Variants in LRRC4C observed in about 807,000 individuals in gnomAD.
LRRC4C encodes leucine-rich repeat-containing protein 4C.
A neutral mutation model predicts 33.6 loss-of-function variants in LRRC4C; 5 were observed. The observed-to-expected ratio is 0.15, with a 90% confidence interval of 0.08 to 0.31. The LOEUF (loss-of-function observed/expected upper bound fraction) is 0.31. Ranked by LOEUF, LRRC4C falls within the 10% of genes least tolerant of loss-of-function variation. The probability of loss-of-function intolerance (pLI) is 1.00; values close to 1 mark genes in which losing one functional copy is unlikely to be tolerated. For synonymous variants in LRRC4C, 329 were observed against 302.0 expected (o/e 1.09, Z -0.93); for missense variants, 560 against 796.7 (o/e 0.70, Z 3.58).
At chr11:40,377,032 A>G (rs541787034) in intron 3 of LRRC4C, among the ~76,000 whole-genome samples, 1 of 152,276 alleles carries the variant, frequency 6.6e-6, no homozygotes, top group African/African-American at 2.4e-5. Flanking sequence ...TTCCAAAATA[A>G]CATTTGAAAA....
intron 1 of LRRC4C, among the ~76,000 whole-genome samples, chr11:41,183,389 G>A (rs1343071874): frequency 6.6e-6 from 1 of 152,076 alleles, no homozygotes; most frequent in Admixed American, 6.5e-5. Context: ...TGGGGCATTG[G>A]GTAAATACAG....
At chr11:40,944,610 C>T (rs1958307739) in intron 1 of LRRC4C, among the ~76,000 whole-genome samples, 1 of 152,112 alleles carries the variant, frequency 6.6e-6, no homozygotes, top group Non-Finnish European at 1.5e-5. Flanking sequence ...AACTGGATGC[C>T]CTTTCTGTAC....
intron 1 of LRRC4C, among the ~76,000 whole-genome samples, chr11:41,355,799 T>G (rs566162111): frequency 7.2e-5 from 11 of 152,282 alleles, no homozygotes; most frequent in Non-Finnish European, 1.3e-4. Context: ...AATTCATGTT[T>G]TTTTAAAGAA....
intron 1 of LRRC4C, among the ~76,000 whole-genome samples, chr11:41,386,585 GATC>G (rs1200226639): frequency 1.3e-5 from 2 of 151,664 alleles, no homozygotes; most frequent in Non-Finnish European, 3.0e-5. Flanking sequence ...TTTGTAATTT[GATC>G]ATCAATTGTA....
intron 1 of LRRC4C, among the ~76,000 whole-genome samples, chr11:41,219,536 G>A (rs1947210966): frequency 1.3e-5 from 2 of 152,240 alleles, no homozygotes; most frequent in Admixed American, 1.3e-4. Flanking sequence ...ACATAAAGGT[G>A]TAGCTGTATT....
intron 2 of LRRC4C, among the ~76,000 whole-genome samples, chr11:40,679,676 T>G (rs2136320753): frequency 6.6e-6 from 1 of 152,300 alleles, no homozygotes; most frequent in East Asian, 1.9e-4. Context: ...GTGTTGAGCC[T>G]GTGAGTACAC....
intron 2 of LRRC4C, among the ~76,000 whole-genome samples, chr11:40,822,265 C>T (rs1951962268): frequency 1.3e-5 from 2 of 151,274 alleles, no homozygotes. Flanking sequence ...TCTTTCTGTG[C>T]CTGACATATT....
chr11:41,088,784 A>C (rs1289724619), intron 1 of LRRC4C, among the ~76,000 whole-genome samples: 1 of 152,080 alleles, frequency 6.6e-6, no homozygotes, highest in Non-Finnish European at 1.5e-5. Flanking sequence ...ACTGTGGCTG[A>C]AGCTAAATCC....
At chr11:40,928,912 C>A (rs1957500194) in intron 2 of LRRC4C, among the ~76,000 whole-genome samples, 1 of 152,126 alleles carries the variant, frequency 6.6e-6, no homozygotes, top group Non-Finnish European at 1.5e-5. Flanking sequence ...TTCAAATCAG[C>A]AAGCAAATTT....
Position 40,173,864 on chromosome 11 carries a change from A to G in LRRC4C, c.-95-33011T>C, listed in dbSNP as rs1383101027. 6.6e-5 allele frequency among the ~76,000 whole-genome samples: 10 copies of G among 152,324 alleles called. No homozygotes were observed. In the East Asian group the frequency reaches 1.9e-3, roughly 29 times the overall value. On this transcript the variant is annotated intron_variant, in intron 5 of 6. Transcript: ENST00000528697. ...TATTTCTAAACCAAGGTATTCAATG[A>G]ATACTTATGTTGGTAAACTGTGTTA...
At chr11:41,090,499 T>G (rs1028004412) in intron 1 of LRRC4C, among the ~76,000 whole-genome samples, 1 of 152,142 alleles carries the variant, frequency 6.6e-6, no homozygotes, top group Non-Finnish European at 1.5e-5. Flanking sequence ...AATTAAGAAA[T>G]ATCACATTTC....
intron 3 of LRRC4C, among the ~76,000 whole-genome samples, chr11:40,364,177 C>T (rs75259074): frequency 0.011 from 1,714 of 151,898 alleles, 29 homozygotes; most frequent in African/African-American, 0.039. Flanking sequence ...TTCTGGTGTC[C>T]AAACACAACA....
intron 3 of LRRC4C, among the ~76,000 whole-genome samples, chr11:40,540,696 G>T (rs749024095): frequency 1.3e-5 from 2 of 151,940 alleles, no homozygotes; most frequent in African/African-American, 4.8e-5. Context: ...TCTATTTCTT[G>T]TTCATCTAGT....
chr11:40,187,201 G>T (rs1861471609), intron 5 of LRRC4C, among the ~76,000 whole-genome samples: 1 of 152,348 alleles, frequency 6.6e-6, no homozygotes, highest in Non-Finnish European at 1.5e-5. Context: ...TGCTTTGATA[G>T]CTGGCTTCAT....
rs181313561 is a variant in LRRC4C at position 41,457,543 on chromosome 11, G to T, written c.-496+1888C>A. Among the ~76,000 whole-genome samples the T allele has an allele frequency of 3.3e-5, 5 of 152,126 alleles. No individual in the cohort carries two copies. The East Asian group carries it at 9.7e-4, about 29-fold the overall frequency. On this transcript the variant is annotated intron_variant, in intron 1 of 6. Transcript: ENST00000528697. Reference sequence around the variant, plus strand: ...TATTATTCTCACTTTCAGGTTTTATGAACCTCAGATTGTTTTTTCCATAAA... The same window carrying T: ...TATTATTCTCACTTTCAGGTTTTATTAACCTCAGATTGTTTTTTCCATAAA...
chr11:40,764,108 CT>C (rs1005397229), intron 2 of LRRC4C, among the ~76,000 whole-genome samples: 22 of 152,142 alleles, frequency 1.4e-4, no homozygotes, highest in African/African-American at 5.3e-4. Context: ...TGTCTTGCAA[CT>C]TGAATACCTG....
chr11:41,038,645 G>T (rs1857239841), intron 1 of LRRC4C, among the ~76,000 whole-genome samples: 2 of 152,152 alleles, frequency 1.3e-5, no homozygotes, highest in Admixed American at 1.3e-4. Context: ...AACATTTAGA[G>T]ACTGTCACTA....
intron 1 of LRRC4C, among the ~76,000 whole-genome samples, chr11:41,106,825 G>A (rs1020497608): frequency 6.6e-6 from 1 of 151,886 alleles, no homozygotes; most frequent in Admixed American, 6.6e-5. Flanking sequence ...AGAACAGCCT[G>A]AGCAAGATGG....
At chr11:40,254,019 A>AAT (rs1867001804) in intron 4 of LRRC4C, among the ~76,000 whole-genome samples, 1 of 152,138 alleles carries the variant, frequency 6.6e-6, no homozygotes, top group African/African-American at 2.4e-5. Context: ...ATTTCTGTAG[A>AAT]TCTTATATTT....
Sources: gnomAD v4.1 joint callset for allele counts (sites outside exome capture counted in the v4.1 genomes callset) on GRCh38, gnomAD v4.1.1 for gene constraint, MANE v1.5 for transcripts, NCBI Gene and HGNC (gene_info 2026-07-23, HGNC 2026-07-21) for gene names.